The following KLHL2 variants were observed in gnomAD, a reference collection of about 807,000 sequenced individuals.
The protein encoded by KLHL2 is kelch like family member 2, also known as kelch-like protein 2.
A neutral mutation model predicts 75.8 loss-of-function variants in KLHL2; 15 were observed. The ratio of observed to expected loss-of-function variants is 0.20; its 90% CI spans 0.13 to 0.30. The LOEUF (loss-of-function observed/expected upper bound fraction) is 0.30, where lower values mean the gene tolerates loss of function less well. Ranked by LOEUF, KLHL2 falls within the 10% of genes least tolerant of loss-of-function variation. The pLI is 1.00. For synonymous variants in KLHL2, 214 were observed against 251.9 expected (o/e 0.85, Z 1.42); for missense variants, 381 against 741.0 (o/e 0.51, Z 5.64).
chr4:165,321,081 G>A (rs1746942014), intron 14 of KLHL2, among the ~76,000 whole-genome samples: 1 of 152,184 alleles, frequency 6.6e-6, no homozygotes, highest in Non-Finnish European at 1.5e-5. Flanking sequence ...TATGTGCACT[G>A]TAACTGAAGA....
At chr4:165,258,020 A>C (rs2111206397) in intron 4 of KLHL2, among the ~76,000 whole-genome samples, 1 of 152,062 alleles carries the variant, frequency 6.6e-6, no homozygotes, top group African/African-American at 2.4e-5. Context: ...GAGTGAAGAG[A>C]CTCAGGGTTC....
At chr4:165,233,039 A>G (rs55648903) in intron 3 of KLHL2, among the ~76,000 whole-genome samples, 32,695 of 151,336 alleles carry the variant, frequency 0.22, 3,879 homozygotes, top group Non-Finnish European at 0.29. Context: ...TGACTAACCT[A>G]TTAGGAAATG....
At chr4:165,308,742 A>C (rs1745922313) in intron 9 of KLHL2, among the ~76,000 whole-genome samples, 1 of 152,214 alleles carries the variant, frequency 6.6e-6, no homozygotes, top group South Asian at 2.1e-4. Context: ...AGATTCCCAC[A>C]ATGAACATTC....
At chr4:165,260,212 T>A (rs1240945688) in intron 4 of KLHL2, among the ~76,000 whole-genome samples, 1 of 152,208 alleles carries the variant, frequency 6.6e-6, no homozygotes, top group South Asian at 2.1e-4. Flanking sequence ...CTAGTAAAAC[T>A]ACATCATAAA....
intron 1 of KLHL2, chr4:165,210,090 T>G: frequency 6.4e-7 from 1 of 1,551,570 alleles, no homozygotes; most frequent in Non-Finnish European, 8.7e-7. Context: ...TGAAGTTAGA[T>G]TTTTAGCCTG....
chr4:165,278,422 C>G (rs1338052677), intron 5 of KLHL2: 1 of 1,457,582 alleles, frequency 6.9e-7, no homozygotes. Context: ...TCATGGCATC[C>G]AAAATCTCTC....
intron 5 of KLHL2, chr4:165,278,440 GA>G (rs1321865238): frequency 6.6e-7 from 1 of 1,512,028 alleles, no homozygotes; most frequent in East Asian, 2.3e-5. Context: ...CTCGAGTTTG[GA>G]AACAAACAGC....
chr4:165,297,215 A>G (rs559856679), intron 6 of KLHL2, among the ~76,000 whole-genome samples: 1 of 152,328 alleles, frequency 6.6e-6, no homozygotes, highest in African/African-American at 2.4e-5. Context: ...TTGTAAAAAA[A>G]AATTTCAAAA....
At chr4:165,225,972 G>A (rs1433012033) in intron 2 of KLHL2, among the ~76,000 whole-genome samples, 3 of 152,160 alleles carry the variant, frequency 2.0e-5, no homozygotes, top group Admixed American at 2.0e-4. Flanking sequence ...GTGACAGCCA[G>A]CAGGTATTAT....
At chr4:165,288,949 T>C (rs777070021) in intron 5 of KLHL2, among the ~76,000 whole-genome samples, 1 of 151,980 alleles carries the variant, frequency 6.6e-6, no homozygotes. Context: ...TTTAATGTCA[T>C]GAACTAAGCA....
At chr4:165,243,655 T>C (rs1425908742) in intron 4 of KLHL2, among the ~76,000 whole-genome samples, 3 of 152,280 alleles carry the variant, frequency 2.0e-5, no homozygotes, top group African/African-American at 4.8e-5. Flanking sequence ...CTCAGTATAG[T>C]AGAAAATTCA....
chr4:165,255,481 G>A (rs1031530498), intron 4 of KLHL2, among the ~76,000 whole-genome samples: 2 of 152,062 alleles, frequency 1.3e-5, no homozygotes, highest in African/African-American at 4.8e-5. Context: ...GAGGTTGCAT[G>A]TGGGGTACAG....
chr4:165,292,530 G>T (rs34582676), intron 5 of KLHL2, among the ~76,000 whole-genome samples: 1 of 151,632 alleles, frequency 6.6e-6, no homozygotes, highest in Non-Finnish European at 1.5e-5. Flanking sequence ...ACGGGGTTTC[G>T]CCATATTGTC....
At chr4:165,229,484 A>C (rs1022071857) in intron 3 of KLHL2, among the ~76,000 whole-genome samples, 1 of 152,348 alleles carries the variant, frequency 6.6e-6, no homozygotes, top group East Asian at 1.9e-4. Context: ...CGAAGTTTTT[A>C]TCTGTTACAT....
intron 11 of KLHL2, among the ~76,000 whole-genome samples, chr4:165,311,809 CTGTG>C (rs60870309): frequency 0.06 from 8,671 of 144,812 alleles, 542 homozygotes; most frequent in African/African-American, 0.14. Context: ...TCCTTTCTCT[CTGTG>C]TGTGTGTGTG....
chr4:165,313,524 A>G (rs1746371144), intron 12 of KLHL2, among the ~76,000 whole-genome samples, 158 bp downstream of exon 12: 1 of 152,216 alleles, frequency 6.6e-6, no homozygotes, highest in Non-Finnish European at 1.5e-5. Flanking sequence ...AGGTAATGGG[A>G]GTAATTACAA....
intron 8 of KLHL2, among the ~76,000 whole-genome samples, chr4:165,304,929 T>C (rs1216711081): frequency 6.6e-6 from 1 of 152,166 alleles, no homozygotes. Context: ...TAAATAGTTG[T>C]TGGATTGAGT....
intron 1 of KLHL2, among the ~76,000 whole-genome samples, chr4:165,214,190 G>C (rs1354214634): frequency 6.6e-6 from 1 of 152,050 alleles, no homozygotes; most frequent in Non-Finnish European, 1.5e-5. Context: ...GAGTCGTATT[G>C]CCGCCCCCTT....
At chr4:165,270,364 C>T (rs1251812562) in intron 5 of KLHL2, among the ~76,000 whole-genome samples, 2 of 152,196 alleles carry the variant, frequency 1.3e-5, no homozygotes, top group Non-Finnish European at 2.9e-5. Context: ...TGTTCCCTTG[C>T]TGCCGAGGAG....
Sources: allele counts gnomAD v4.1 joint callset (sites outside exome capture counted in the v4.1 genomes callset), GRCh38; gene constraint gnomAD v4.1.1; transcripts MANE v1.5; gene names NCBI Gene and HGNC (gene_info 2026-07-23, HGNC 2026-07-21).